BMP15: variants seen among roughly 807,000 people sequenced by gnomAD.
BMP15 encodes bone morphogenetic protein 15.
A neutral mutation model predicts 4.4 loss-of-function variants in BMP15; 5 were observed. The ratio of observed to expected loss-of-function variants is 1.13; its 90% CI spans 0.59 to 2.38. BMP15 has a LOEUF of 2.38. BMP15 is among the 30% of genes most tolerant of loss of function. BMP15 has a pLI of 0.01. For synonymous variants in BMP15, 125 were observed against 114.6 expected (o/e 1.09, Z -0.58); for missense variants, 339 against 309.8 (o/e 1.09, Z -0.71).
At position 50,916,108 on chromosome X, in the gene BMP15, T is replaced by C; in HGVS notation, c.680T>C (p.Leu227Ser). The C allele has an allele frequency of 8.3e-7, 1 of 1,211,915 alleles. No individual in the cohort carries two copies. The highest frequency in any genetic ancestry group is 3.0e-5 in the East Asian group (1 of 33,853). ...GLELWHGTSSLDIAFLLLYFN... is the reference protein window; with the variant it reads ...GLELWHGTSSSDIAFLLLYFN... ...GAGCTCTGGCATGGCACTTCATCCTTGGACATTGCCTTCTTGTTACTCTAT... is the reference window on the plus strand; with the variant it reads ...GAGCTCTGGCATGGCACTTCATCCTCGGACATTGCCTTCTTGTTACTCTAT... The change falls in exon 2 of 2, where the codon TTG becomes TCG. Residue 227 changes from leucine (L) to serine (S), a missense_variant. By Grantham distance (145) the Leu-to-Ser change is moderately radical. Transcript: ENST00000252677.
rs1923117203 is a variant in BMP15 at position 50,915,955 on chromosome X, T to C, written c.527T>C (p.Leu176Pro). Residue 176 changes from leucine to proline, a missense_variant, in exon 2 of 2, where the codon CTG becomes CCG. Transcript: ENST00000252677. ...GAAGGAGATTCCTCAAAACCTTCCC[T>C]GATGTCTAACGCTTGGAAAGAGATG... ...SSEGDSSKPS[L>P]MSNAWKEMDI... The C allele has an allele frequency of 8.3e-7, 1 of 1,210,040 alleles. No individual in the cohort carries two copies. Among genetic ancestry groups the C allele is most frequent in the African/African-American group, 1.7e-5 (1 of 57,145 alleles).
intron 1 of BMP15, among the ~76,000 whole-genome samples, chrX:50,913,988 G>C (rs998687859): frequency 8.1e-5 from 9 of 111,481 alleles, no homozygotes; most frequent in African/African-American, 2.6e-4. Context: ...TTATTTTTTT[G>C]AGATGGAGTT....
chrX:50,911,390 G>A (rs1419369817), intron 1 of BMP15, among the ~76,000 whole-genome samples: 2 of 112,606 alleles, frequency 1.8e-5, no homozygotes, highest in Non-Finnish European at 1.9e-5. Flanking sequence ...ATCTTTCACA[G>A]AAACTTTTAT....
In BMP15 at chrX:50,916,563, A is replaced by G; in HGVS notation, c.1135A>G (p.Lys379Glu). Reference sequence around the variant, plus strand: ...TGAGGCAAATGGGAGTATTTTGTACAAGGAGTATGAGGGTATGATTGCTGA... The same window carrying G: ...TGAGGCAAATGGGAGTATTTTGTACGAGGAGTATGAGGGTATGATTGCTGA... ...MIEANGSILY[K>E]EYEGMIAESC... is the part of the protein sequence containing the mutation. Residue 379 changes from lysine (K) to glutamate (E), a missense_variant, in exon 2 of 2, where the codon AAG (lysine) becomes GAG (glutamate). Coordinates refer to ENST00000252677, the MANE Select transcript of BMP15 (RefSeq NM_005448.2). The G allele has an allele frequency of 8.3e-7, 1 of 1,211,389 alleles. No individual in the cohort carries two copies. The highest frequency in any genetic ancestry group is 1.1e-6 in the Non-Finnish European group (1 of 895,413).
At chrX:50,914,377 G>C (rs1923081713) in intron 1 of BMP15, among the ~76,000 whole-genome samples, 1 of 112,617 alleles carries the variant, frequency 8.9e-6, no homozygotes, top group East Asian at 2.8e-4. Flanking sequence ...TTGAACCCAG[G>C]AGTTCGAGAC....
In BMP15 at chrX:50,916,466, G is replaced by A. The variant is rs782787371; in HGVS notation, c.1038G>A (p.Gln346=). The change falls in exon 2 of 2, where the codon CAG becomes CAA. Residue 346 remains glutamine (Q), a synonymous_variant. Coordinates refer to ENST00000252677, the MANE Select transcript of BMP15 (RefSeq NM_005448.2). ...CCATTATTCAGAACCTTATCAATCA[G>A]TTGGTGGACCAGAGTGTCCCCCGGC... ...NHAIIQNLIN[Q]LVDQSVPRPS... The A allele has an allele frequency of 4.1e-6, 5 of 1,209,296 alleles. No homozygotes were observed. The highest frequency in any genetic ancestry group is 1.8e-5 in the African/African-American group (1 of 56,930).
In BMP15 at chrX:50,916,573, A is replaced by C; in HGVS notation, c.1145A>C (p.Glu382Ala). ...ANGSILYKEY[E>A]GMIAESCTCR The stretch of plus-strand genomic sequence containing the variant: ...GGGAGTATTTTGTACAAGGAGTATG[A>C]GGGTATGATTGCTGAGTCTTGTACA... The change falls in exon 2 of 2, where the codon GAG becomes GCG. Residue 382 changes from glutamate (E) to alanine (A), a missense_variant. Glu to Ala is a moderately radical substitution (Grantham distance 107). Transcript: ENST00000252677. 2 of 1,211,223 alleles carry C rather than the reference A, an allele frequency of 1.7e-6. No individual in the cohort carries two copies. Among genetic ancestry groups the C allele is most frequent in the Non-Finnish European group, 1.1e-6 (1 of 895,355 alleles).
At position 50,910,789 on chromosome X, in the gene BMP15, C is replaced by A. The variant is rs1557279863; in HGVS notation, c.6C>A (p.Val2=). 1 of 1,205,900 alleles carries A rather than the reference C, an allele frequency of 8.3e-7. No homozygotes were observed. The highest frequency in any genetic ancestry group is 1.7e-5 in the African/African-American group (1 of 57,683). ...TGAACACTAAGCCTTTCAAGATGGTCCTCCTCAGTATTCTTAGAATTCTTT... is the reference window on the plus strand; with the variant it reads ...TGAACACTAAGCCTTTCAAGATGGTACTCCTCAGTATTCTTAGAATTCTTT... M[V]LLSILRILFL... The change falls in exon 1 of 2, where the codon GTC becomes GTA. Residue 2 remains valine, a synonymous_variant. Coordinates refer to ENST00000252677, the MANE Select transcript of BMP15 (RefSeq NM_005448.2).
In BMP15 at chrX:50,910,965, G is replaced by A; in HGVS notation, c.182G>A (p.Arg61Gln). The A allele has an allele frequency of 1.5e-5, 18 of 1,190,242 alleles. No individual in the cohort carries two copies. Among genetic ancestry groups the A allele is most frequent in the South Asian group, 1.5e-4 (8 of 54,227 alleles). Residue 61 changes from arginine to glutamine, a missense_variant, in exon 1 of 2, where the codon CGG (arginine) becomes CAG (glutamine). Coordinates refer to ENST00000252677, the MANE Select transcript of BMP15 (RefSeq NM_005448.2). ...ESPGEQPRKPRLLGHSLRYML... is the reference protein window; with the variant it reads ...ESPGEQPRKPQLLGHSLRYML... ...CCTGGCGAACAGCCAAGGAAGCCCC[G>A]GCTCCTAGGGCATTCACTGCGGTAC...
intron 1 of BMP15, among the ~76,000 whole-genome samples, chrX:50,912,965 A>G (rs1025264150): frequency 1.8e-5 from 2 of 111,706 alleles, no homozygotes; most frequent in Non-Finnish European, 3.8e-5. Context: ...AAGAGTAGGG[A>G]GAAGCCTGAT....
At chrX:50,914,405 A>G (rs1450971083) in intron 1 of BMP15, among the ~76,000 whole-genome samples, 1 of 112,375 alleles carries the variant, frequency 8.9e-6, no homozygotes, top group Admixed American at 9.4e-5. Flanking sequence ...GCAACATGGC[A>G]AAACCCTGTC....
chrX:50,912,796 A>G (rs1177305133), intron 1 of BMP15, among the ~76,000 whole-genome samples: 1 of 112,031 alleles, frequency 8.9e-6, no homozygotes. Flanking sequence ...AAGCACACAC[A>G]GTTAAATTGT....
chrX:50,915,954 C>T lies in BMP15; in HGVS notation c.526C>T (p.Leu176=), dbSNP rs1601954032. ...SSEGDSSKPS[L]MSNAWKEMDI... ...AGAAGGAGATTCCTCAAAACCTTCC[C>T]TGATGTCTAACGCTTGGAAAGAGAT... The change falls in exon 2 of 2, where the codon CTG becomes TTG. Residue 176 remains leucine (L), a synonymous_variant. Coordinates refer to ENST00000252677, the MANE Select transcript of BMP15 (RefSeq NM_005448.2). 8.3e-7 allele frequency: 1 copy of T among 1,211,867 alleles called. No homozygotes were observed. The highest frequency in any genetic ancestry group is 3.0e-5 in the East Asian group (1 of 33,838).
Position 50,915,988 on chromosome X carries a change from C to T in BMP15, c.560C>T (p.Thr187Ile). 1 of 1,211,834 alleles carries T rather than the reference C, an allele frequency of 8.3e-7. No homozygotes were observed. Among genetic ancestry groups the T allele is most frequent in the Non-Finnish European group, 1.1e-6 (1 of 895,548 alleles). ...MSNAWKEMDI[T>I]QLVQQRFWNN... is the part of the protein sequence containing the mutation. ...AACGCTTGGAAAGAGATGGATATCACACAACTTGTTCAGCAAAGGTTCTGG... is the reference window on the plus strand; with the variant it reads ...AACGCTTGGAAAGAGATGGATATCATACAACTTGTTCAGCAAAGGTTCTGG... The change falls in exon 2 of 2, where the codon ACA becomes ATA. Residue 187 changes from threonine to isoleucine, a missense_variant. Coordinates refer to ENST00000252677, the MANE Select transcript of BMP15 (RefSeq NM_005448.2).
chrX:50,914,402 G>A (rs1464985863), intron 1 of BMP15, among the ~76,000 whole-genome samples: 7 of 112,339 alleles, frequency 6.2e-5, no homozygotes, highest in Non-Finnish European at 1.1e-4. Context: ...CCGGCAACAT[G>A]GCAAAACCCT....
chrX:50,912,046 A>C (rs1335885925), intron 1 of BMP15, among the ~76,000 whole-genome samples: 1 of 111,605 alleles, frequency 9.0e-6, no homozygotes, highest in Non-Finnish European at 1.9e-5. Context: ...GAAAAGGGAC[A>C]GGACTTAATC....
rs1923006499 is a variant in BMP15 at position 50,911,092 on chromosome X, T to C, written c.309T>C (p.Asn103=). Residue 103 remains asparagine (N), a synonymous_variant, in exon 1 of 2, where the codon AAT becomes AAC. Coordinates refer to ENST00000252677, the MANE Select transcript of BMP15 (RefSeq NM_005448.2). ...TMVRLVKPLT[N]VARPHRGTWH... is the part of the protein sequence containing the mutation. The stretch of plus-strand genomic sequence containing the variant: ...TGAGGCTGGTGAAGCCCTTGACCAA[T>C]GTGGCAAGGCCTCACAGAGGTGAGT... 1 of 1,184,308 alleles carries C rather than the reference T, an allele frequency of 8.4e-7. No homozygotes were observed. The highest frequency in any genetic ancestry group is 1.1e-6 in the Non-Finnish European group (1 of 881,428).
rs193080025 is a variant in BMP15 at position 50,911,023 on chromosome X, G to T, written c.240G>T (p.Ser80=). Residue 80 remains serine (S), a synonymous_variant, in exon 1 of 2, where the codon TCG becomes TCT. Coordinates refer to ENST00000252677, the MANE Select transcript of BMP15 (RefSeq NM_005448.2). ...AGTTGTACCGGCGTTCAGCTGACTCGCATGGGCACCCTAGAGAGAACCGCA... is the reference window on the plus strand; with the variant it reads ...AGTTGTACCGGCGTTCAGCTGACTCTCATGGGCACCCTAGAGAGAACCGCA... ...MLELYRRSAD[S]HGHPRENRTI... 2.5e-6 allele frequency: 3 copies of T among 1,197,492 alleles called. No individual in the cohort carries two copies. Among genetic ancestry groups the T allele is most frequent in the East Asian group, 6.1e-5 (2 of 33,039 alleles).
At chrX:50,914,061 C>T (rs560099148) in intron 1 of BMP15, among the ~76,000 whole-genome samples, 1 of 111,778 alleles carries the variant, frequency 8.9e-6, no homozygotes, top group South Asian at 3.8e-4. Flanking sequence ...ACCTCTGCCT[C>T]CCGGGTGCAC....
Sources: gnomAD v4.1 joint callset for allele counts (sites outside exome capture counted in the v4.1 genomes callset) on GRCh38, gnomAD v4.1.1 for gene constraint, MANE v1.5 for transcripts, NCBI Gene and HGNC (gene_info 2026-07-23, HGNC 2026-07-21) for gene names.